CHRNE: variants seen among roughly 807,000 people sequenced by gnomAD.
CHRNE encodes acetylcholine receptor subunit epsilon.
A neutral mutation model predicts 56.5 loss-of-function variants in CHRNE; 58 were observed. That is an observed-to-expected ratio of 1.03 (90% CI 0.83 to 1.28). The LOEUF (loss-of-function observed/expected upper bound fraction) is 1.28, where lower values mean the gene tolerates loss of function less well. Ranked by LOEUF, CHRNE falls within the 50% of genes most tolerant of loss-of-function variation. The pLI is 0.00. For missense variants in CHRNE, 793 were observed against 688.9 expected (o/e 1.15, Z -1.69); for synonymous variants, 385 against 297.9 (o/e 1.29, Z -3.01).
chr17:4,899,280 G>C lies in CHRNE; in HGVS notation c.1137C>G (p.Leu379=), dbSNP rs368940455. The part of the protein sequence containing the change: ...PRRASSVGLL[L]RAEELILKKP... ...TTTTCAGTATCAGCTCCTCCGCGCG[G>C]AGCAATAAGCCCACCGACGACGCCC... Residue 379 remains leucine (L), a synonymous_variant, in exon 10 of 12, where the codon CTC becomes CTG. Coordinates refer to ENST00000649488, the MANE Select transcript of CHRNE (RefSeq NM_000080.4). 10 of 1,600,462 alleles carry C rather than the reference G, an allele frequency of 6.2e-6. No homozygotes were observed. The African/African-American group carries it at 1.3e-4, about 21-fold the overall frequency.
rs759432257 is a variant in CHRNE at position 4,901,924 on chromosome 17, C to T, written c.500+8G>A. On this transcript the variant is annotated splice_region_variant and intron_variant, in intron 5 of 11. Coordinates refer to ENST00000649488, the MANE Select transcript of CHRNE (RefSeq NM_000080.4). Reference sequence around the variant, plus strand: ...TAATCGTCCGGGCCTCGGAGTAGCTCTTCCCACCGGAAAATAAGCGAACAG... The same window carrying T: ...TAATCGTCCGGGCCTCGGAGTAGCTTTTCCCACCGGAAAATAAGCGAACAG... The T allele has an allele frequency of 1.3e-6, 2 of 1,530,222 alleles. No individual in the cohort carries two copies. The allele number at this position is 1,530,222 out of a possible 1,614,324, so 94.8% of individuals were successfully genotyped here.
intron 8 of CHRNE, 174 bp from the exon 9 acceptor site, chr17:4,899,756 G>A (rs920241546): frequency 1.0e-5 from 16 of 1,550,962 alleles, no homozygotes; most frequent in Admixed American, 2.0e-5. Flanking sequence ...TACCACTTGT[G>A]GCGGCCATGA....
At position 4,899,384 on chromosome 17, in the gene CHRNE, C is replaced by CCTGGGG. The variant is rs886053123; in HGVS notation, c.1033-6_1033-1dup (p.His344_Val345insProGln). ...AGGCGCGGCAGCAGCTCCAGGAGAACCTGGGGCAGGGGCGGGGCTTAGGGG... is the reference window on the plus strand; with the variant it reads ...AGGCGCGGCAGCAGCTCCAGGAGAACCTGGGGCTGGGGCAGGGGCGGGGCTTAGGGG... On this transcript the variant is annotated inframe_insertion and splice_region_variant. Transcript: ENST00000649488. 5 of 1,533,670 alleles carry CCTGGGG rather than the reference C, an allele frequency of 3.3e-6. No homozygotes were observed. In the South Asian group the frequency reaches 6.0e-5, roughly 18 times the overall value.
At chr17:4,900,700 C>T (rs901628873) in intron 8 of CHRNE, 93 bp downstream of exon 8, 5 of 1,469,402 alleles carry the variant, frequency 3.4e-6, no homozygotes, top group Admixed American at 2.0e-5. Context: ...CAGGGCGGGG[C>T]GAGACAGCCA....
At chr17:4,900,959 G>A in intron 7 of CHRNE, 31 bp downstream of exon 7, 1 of 1,614,018 alleles carries the variant, frequency 6.2e-7, no homozygotes, top group Non-Finnish European at 8.5e-7. Flanking sequence ...GCGAGCCCGG[G>A]TTTGGGGGTA....
rs757452910 is a variant in CHRNE, at chr17:4,902,699, T to C, written c.111A>G (p.Pro37=). The change falls in exon 2 of 12, where the codon CCA becomes CCG. Residue 37 remains proline, a synonymous_variant. Transcript: ENST00000649488. The surrounding 1 kb of genome is among the most constrained non-coding windows in gnomAD (Gnocchi z 4.0). Reference sequence around the variant, plus strand: ...CAGGCTCCCGCACTGGCCGGCTTCCTGGGTCATAGTTGTTGAAGAGATGGT... The same window carrying C: ...CAGGCTCCCGCACTGGCCGGCTTCCCGGGTCATAGTTGTTGAAGAGATGGT... ...LYHHLFNNYD[P]GSRPVREPED... is the part of the protein sequence containing the mutation. 3 of 1,614,130 alleles carry C rather than the reference T, an allele frequency of 1.9e-6. No homozygotes were observed. The highest frequency in any genetic ancestry group is 2.5e-6 in the Non-Finnish European group (3 of 1,180,018).
rs756123176 is a variant in CHRNE, at chr17:4,902,821, T to C, written c.47-58A>G. ...CAATGAAGAGGCTGGAGCACCTCTC[T>C]CCCCTCTGCCTCCCCTGGGTCCTCA... is the stretch of plus-strand genomic sequence containing the variant. On this transcript the variant is annotated intron_variant, in intron 1 of 11. Coordinates refer to ENST00000649488, the MANE Select transcript of CHRNE (RefSeq NM_000080.4). This position sits in a 1 kb window ranked among gnomAD's most constrained non-coding sequence, Gnocchi z 4.0. 1.2e-6 allele frequency: 2 copies of C among 1,612,166 alleles called. No individual in the cohort carries two copies. Among genetic ancestry groups the C allele is most frequent in the South Asian group, 1.1e-5 (1 of 91,052 alleles).
chr17:4,907,028 G>A (rs997381967), upstream of CHRNE, among the ~76,000 whole-genome samples: 4 of 152,158 alleles, frequency 2.6e-5, no homozygotes, highest in African/African-American at 9.7e-5. Context: ...AGAGTAGAAG[G>A]ATGGTTACCA....
rs375840489 is a variant in CHRNE at position 4,902,920 on chromosome 17, G to A, written c.46+98C>T. ...ATGCTGTGCCTGGGAACGAAATACT[G>A]TGTCTAAGTCTCCATCTTGGTCTCT... On this transcript the variant is annotated intron_variant, in intron 1 of 11. Coordinates refer to ENST00000649488, the MANE Select transcript of CHRNE (RefSeq NM_000080.4). This position sits in a 1 kb window ranked among gnomAD's most constrained non-coding sequence, Gnocchi z 4.0. The A allele has an allele frequency of 6.9e-6, 11 of 1,583,360 alleles. No homozygotes were observed. The highest frequency in any genetic ancestry group is 4.0e-5 in the African/African-American group (3 of 74,200).
chr17:4,901,094 G>A lies in CHRNE; in HGVS notation c.698C>T (p.Ser233Leu), dbSNP rs1190161718. The A allele has an allele frequency of 4.3e-6, 7 of 1,613,624 alleles. No homozygotes were observed. Among genetic ancestry groups the A allele is most frequent in the Non-Finnish European group, 5.9e-6 (7 of 1,179,976 alleles). The change falls in exon 7 of 12, where the codon TCG becomes TTG. Residue 233 changes from serine (S) to leucine (L), a missense_variant. Coordinates refer to ENST00000649488, the MANE Select transcript of CHRNE (RefSeq NM_000080.4). ...GAGCGGCTTCCGGCGGATGATGAGCGAGTAGATGACGTCAGTCTCCCCTGG... is the reference window on the plus strand; with the variant it reads ...GAGCGGCTTCCGGCGGATGATGAGCAAGTAGATGACGTCAGTCTCCCCTGG... ...DGPGETDVIY[S>L]LIIRRKPLFY...
rs1000043550 is a variant in CHRNE at position 4,900,519 on chromosome 17, C to T, written c.917+274G>A. 23 of 1,550,720 alleles carry T rather than the reference C, an allele frequency of 1.5e-5. 1 individual carries two copies. The Admixed American group carries it at 3.1e-4, about 21-fold the overall frequency. On this transcript the variant is annotated intron_variant, in intron 8 of 11. Coordinates refer to ENST00000649488, the MANE Select transcript of CHRNE (RefSeq NM_000080.4). ...CCCCGGAGAACCGGTGAGCTCAGGA[C>T]ACGGGGTGAGTTAGGGGCCAGAGGC...
intron 1 of CHRNE, among the ~76,000 whole-genome samples, chr17:4,908,405 G>A (rs971291911): frequency 4.6e-5 from 7 of 152,222 alleles, no homozygotes; most frequent in East Asian, 1.9e-4. Flanking sequence ...AGGAGTTTCC[G>A]GAAGGGGCTC....
rs1157399869 is a variant in CHRNE, at chr17:4,902,662, T to G, written c.148A>C (p.Thr50Pro). 3 of 1,613,758 alleles carry G rather than the reference T, an allele frequency of 1.9e-6. No homozygotes were observed. The highest frequency in any genetic ancestry group is 2.5e-6 in the Non-Finnish European group (3 of 1,179,938). Residue 50 changes from threonine (T) to proline (P), a missense_variant, in exon 2 of 12, where the codon ACC (threonine) becomes CCC (proline). By Grantham distance (38) the Thr-to-Pro change is conservative. Transcript: ENST00000649488. This position sits in a 1 kb window ranked among gnomAD's most constrained non-coding sequence, Gnocchi z 4.0. The stretch of plus-strand genomic sequence containing the variant: ...GTCAGGGTGACCTTGAGGCTGATGG[T>G]GACAGTATCCTCAGGCTCCCGCACT... ...RPVREPEDTV[T>P]ISLKVTLTNL...
upstream of CHRNE, among the ~76,000 whole-genome samples, chr17:4,907,483 G>A (rs1439506606): frequency 1.3e-5 from 2 of 149,616 alleles, no homozygotes; most frequent in African/African-American, 2.5e-5. Flanking sequence ...CAGGAGAATG[G>A]CGTGAACCCG....
intron 5 of CHRNE, 87 bp downstream of exon 5, chr17:4,901,845 C>T: frequency 2.5e-6 from 4 of 1,583,114 alleles, no homozygotes; most frequent in Non-Finnish European, 3.5e-6. Flanking sequence ...GAAGCCCCGC[C>T]CCGAGGGCGG....
rs570378547 is a variant in CHRNE at position 4,898,835 on chromosome 17, G to C, written c.1383C>G (p.Ala461=). Residue 461 remains alanine, a synonymous_variant, in exon 12 of 12, where the codon GCC becomes GCG. Transcript: ENST00000649488. ...AGCCCACGCTGAAGAGCACCAGAGC[G>C]GCCCAGAAGCAGATGTTGTCAAGGG... ...GNALDNICFW[A]ALVLFSVGSS... 1,844 of 1,597,374 alleles carry C rather than the reference G, an allele frequency of 1.2e-3. 37 individuals carry two copies. The South Asian group carries it at 0.02, about 17-fold the overall frequency.
intron 10 of CHRNE, 29 bp downstream of exon 10, chr17:4,899,169 G>GC (rs771888449): frequency 8.2e-6 from 13 of 1,591,576 alleles, no homozygotes; most frequent in South Asian, 6.8e-5. Flanking sequence ...ACCCCGCGCG[G>GC]CCCCCCGGGC....
In CHRNE at chr17:4,898,639, G is replaced by C. The variant is rs1041929968; in HGVS notation, c.*97C>G. On this transcript the variant is annotated 3_prime_UTR_variant, in exon 12 of 12. Transcript: ENST00000649488. ...AAGTTCACAAACTGCAGATTGATCA[G>C]CAGGGGGAAGGGATCATAATGCCGT... 4.8e-6 allele frequency: 7 copies of C among 1,466,574 alleles called. No individual in the cohort carries two copies. The Admixed American group carries it at 1.2e-4, about 25-fold the overall frequency. 90.8% of individuals were successfully genotyped at this position (1,466,574 alleles called of 1,614,324 possible). A position where few individuals can be genotyped will look rare whatever the true frequency, so the allele number is the denominator to read the frequency against.
At chr17:4,899,990 C>A in intron 8 of CHRNE, 1 of 1,551,540 alleles carries the variant, frequency 6.4e-7, no homozygotes, top group East Asian at 2.4e-5. Context: ...GGCCGCAGCC[C>A]ATGAATATCT....
Sources: gnomAD v4.1 joint callset for allele counts (sites outside exome capture counted in the v4.1 genomes callset) on GRCh38, gnomAD v4.1.1 for gene constraint, Gnocchi (gnomAD v3.1) non-coding constraint, MANE v1.5 for transcripts, NCBI Gene and HGNC (gene_info 2026-07-23, HGNC 2026-07-21) for gene names.